The following UNC5A variants were observed in gnomAD, a reference collection of about 807,000 sequenced individuals.
The protein encoded by UNC5A is netrin receptor UNC5A.
UNC5A carries 20 observed loss-of-function variants against 87.4 expected under a neutral mutation model. The ratio of observed to expected loss-of-function variants is 0.23; its 90% confidence interval spans 0.16 to 0.33. UNC5A has a LOEUF of 0.33. UNC5A is among the 10% of genes least tolerant of loss of function. The pLI is 1.00. For missense variants in UNC5A, 844 were observed against 1,133.4 expected (o/e 0.74, Z 3.67); for synonymous variants, 438 against 482.3 (o/e 0.91, Z 1.20).
chr5:176,852,672 C>T (rs1467747033), intron 1 of UNC5A, among the ~76,000 whole-genome samples: 1 of 152,198 alleles, frequency 6.6e-6, no homozygotes, highest in Non-Finnish European at 1.5e-5. Flanking sequence ...AGGAAGGGGC[C>T]CTTGGTTGGG....
chr5:176,862,800 C>G lies in UNC5A; in HGVS notation c.247C>G (p.Arg83Gly). 1 of 1,613,328 alleles carries G rather than the reference C, an allele frequency of 6.2e-7. No individual in the cohort carries two copies. Among genetic ancestry groups the G allele is most frequent in the Non-Finnish European group, 8.5e-7 (1 of 1,179,870 alleles). Reference protein sequence around the residue: ...IFFKCNGEWVRQVDHVIERST... With the variant: ...IFFKCNGEWVGQVDHVIERST... ...CTTCAAGTGCAACGGGGAGTGGGTG[C>G]GCCAGGTGGACCACGTGATCGAGCG... Residue 83 changes from arginine to glycine, a missense_variant, in exon 2 of 15, where the codon CGC becomes GGC. By Grantham distance (125) the Arg-to-Gly change is moderately radical. Around this residue, in one of 3 missense-constraint regions of UNC5A, gnomAD observed 314 missense variants for 466.5 expected, o/e 0.67. Coordinates refer to ENST00000329542, the MANE Select transcript of UNC5A (RefSeq NM_133369.3).
Position 176,878,645 on chromosome 5 carries a change from C to T in UNC5A, c.2184+6C>T, listed in dbSNP as rs372536418. ...TCAACTTCAACATCACCAAGGTGGA[C>T]GGGAGGGGCTGCCGCACCGCCGTGA... is the stretch of plus-strand genomic sequence containing the variant. On this transcript the variant is annotated splice_donor_region_variant and intron_variant, in intron 13 of 14. Transcript: ENST00000329542. 1.2e-5 allele frequency: 19 copies of T among 1,607,824 alleles called. No individual in the cohort carries two copies. The highest frequency in any genetic ancestry group is 5.3e-5 in the African/African-American group (4 of 74,854).
chr5:176,826,121 T>C (rs1756846912), intron 1 of UNC5A, among the ~76,000 whole-genome samples: 2 of 152,164 alleles, frequency 1.3e-5, no homozygotes, highest in South Asian at 2.1e-4. Context: ...CATTTATACA[T>C]GCATAGAAGC....
intron 1 of UNC5A, among the ~76,000 whole-genome samples, chr5:176,851,662 G>A (rs909058776): frequency 3.3e-5 from 5 of 152,184 alleles, no homozygotes; most frequent in South Asian, 2.1e-4. Context: ...CACCCCCCTC[G>A]GGTGGCCCCC....
chr5:176,848,951 AC>A lies in UNC5A; in HGVS notation c.71-13671del, dbSNP rs1291459927. 6.6e-6 allele frequency among the ~76,000 whole-genome samples: 1 copy of A among 151,532 alleles called. No homozygotes were observed. The highest frequency in any genetic ancestry group is 2.4e-5 in the African/African-American group (1 of 41,156). On this transcript the variant is annotated intron_variant, in intron 1 of 14. Coordinates refer to ENST00000329542, the MANE Select transcript of UNC5A (RefSeq NM_133369.3). The surrounding 1 kb of genome is among the most constrained non-coding windows in gnomAD (Gnocchi z 5.8). ...AGGTACCTGGGGCAATGGACAGCCGACCTCTCCGCCTCTGTCCAGGCCCAGG... is the reference window on the plus strand; with the variant it reads ...AGGTACCTGGGGCAATGGACAGCCGACTCTCCGCCTCTGTCCAGGCCCAGG...
Position 176,848,624 on chromosome 5 carries a change from GCAGGGCCCAGGCT to G in UNC5A, c.71-13998_71-13986del, listed in dbSNP as rs1200567802. 1.3e-5 allele frequency among the ~76,000 whole-genome samples: 2 copies of G among 152,164 alleles called. No individual in the cohort carries two copies. The highest frequency in any genetic ancestry group is 2.9e-5 in the Non-Finnish European group (2 of 68,030). On this transcript the variant is annotated intron_variant, in intron 1 of 14. Transcript: ENST00000329542. The surrounding 1 kb of genome is among the most constrained non-coding windows in gnomAD (Gnocchi z 5.8). ...CCCTATTCCCAGATGGAAGGTGGCAGCAGGGCCCAGGCTCCTTCCCGCCCAAATTTGGAATAGG... is the reference window on the plus strand; with the variant it reads ...CCCTATTCCCAGATGGAAGGTGGCAGCCTTCCCGCCCAAATTTGGAATAGG...
At chr5:176,827,001 C>T (rs1756871344) in intron 1 of UNC5A, among the ~76,000 whole-genome samples, 1 of 151,938 alleles carries the variant, frequency 6.6e-6, no homozygotes. Context: ...CTCCCCTTGC[C>T]CCAGCCCCTG....
At position 176,844,578 on chromosome 5, in the gene UNC5A, T is replaced by G. The variant is rs1757356633; in HGVS notation, c.71-18046T>G. ...CCACACCGAAATTCACAGCCCACCG[T>G]GGCTCGGAGGAGCATGGGCTGGTGT... is the stretch of plus-strand genomic sequence containing the variant. On this transcript the variant is annotated intron_variant, in intron 1 of 14. Transcript: ENST00000329542. This position sits in a 1 kb window ranked among gnomAD's most constrained non-coding sequence, Gnocchi z 4.2. 1.3e-5 allele frequency among the ~76,000 whole-genome samples: 2 copies of G among 152,234 alleles called. No homozygotes were observed. The highest frequency in any genetic ancestry group is 4.1e-4 in the South Asian group (2 of 4,836).
chr5:176,833,880 T>C (rs368147342), intron 1 of UNC5A, among the ~76,000 whole-genome samples: 38 of 152,122 alleles, frequency 2.5e-4, no homozygotes, highest in African/African-American at 9.2e-4. Flanking sequence ...AGCTCATTTT[T>C]GTATTAGTAG....
At position 176,841,938 on chromosome 5, in the gene UNC5A, C is replaced by T. The variant is rs1475131194; in HGVS notation, c.71-20686C>T. Among the ~76,000 whole-genome samples, 1 of 152,240 alleles carries T rather than the reference C, an allele frequency of 6.6e-6. No homozygotes were observed. The highest frequency in any genetic ancestry group is 2.4e-5 in the African/African-American group (1 of 41,464). ...CAAGGCCGGGTGCGGTGGCTCACGC[C>T]GGTAATCCCAGCACTTTGGGAGGCC... On this transcript the variant is annotated intron_variant, in intron 1 of 14. Coordinates refer to ENST00000329542, the MANE Select transcript of UNC5A (RefSeq NM_133369.3). The surrounding 1 kb of genome is among the most constrained non-coding windows in gnomAD (Gnocchi z 4.1).
intron 1 of UNC5A, among the ~76,000 whole-genome samples, chr5:176,811,501 TC>T (rs1360834497): frequency 6.6e-6 from 1 of 152,186 alleles, no homozygotes; most frequent in African/African-American, 2.4e-5. Context: ...TCCGCCAGTT[TC>T]CCCTTCTTCC....
chr5:176,820,258 G>A (rs1462241763), intron 1 of UNC5A, among the ~76,000 whole-genome samples: 2 of 152,258 alleles, frequency 1.3e-5, no homozygotes, highest in Admixed American at 6.5e-5. Flanking sequence ...TTAGCCAGGC[G>A]TGGTGGCGGG....
Position 176,851,972 on chromosome 5 carries a change from G to A in UNC5A, c.71-10652G>A, listed in dbSNP as rs905601312. Among the ~76,000 whole-genome samples, 67 of 152,226 alleles carry A rather than the reference G, an allele frequency of 4.4e-4. 2 individuals carry two copies. Among genetic ancestry groups the A allele is most frequent in the Admixed American group, 5.2e-4 (8 of 15,286 alleles). ...ATGGTCGCTGTGTGTCCTTGAGCTAGTCATCCCGTCTCTGAACTCATTTCC... is the reference window on the plus strand; with the variant it reads ...ATGGTCGCTGTGTGTCCTTGAGCTAATCATCCCGTCTCTGAACTCATTTCC... On this transcript the variant is annotated intron_variant, in intron 1 of 14. Coordinates refer to ENST00000329542, the MANE Select transcript of UNC5A (RefSeq NM_133369.3).
chr5:176,815,732 C>G (rs1327619052), intron 1 of UNC5A, among the ~76,000 whole-genome samples: 1 of 152,206 alleles, frequency 6.6e-6, no homozygotes, highest in Non-Finnish European at 1.5e-5. Flanking sequence ...GAGAAAAATG[C>G]ATCTCAGTGT....
intron 1 of UNC5A, among the ~76,000 whole-genome samples, chr5:176,818,578 A>C (rs774768160): frequency 6.6e-6 from 1 of 152,188 alleles, no homozygotes; most frequent in African/African-American, 2.4e-5. Flanking sequence ...ATGAGGACAC[A>C]TATCAGGGGA....
rs1458307613 is a variant in UNC5A, at chr5:176,848,619, TGGC to T, written c.71-14004_71-14002del. On this transcript the variant is annotated intron_variant, in intron 1 of 14. Coordinates refer to ENST00000329542, the MANE Select transcript of UNC5A (RefSeq NM_133369.3). This position sits in a 1 kb window ranked among gnomAD's most constrained non-coding sequence, Gnocchi z 5.8. ...AGACACCCTATTCCCAGATGGAAGG[TGGC>T]AGCAGGGCCCAGGCTCCTTCCCGCC... 1.3e-5 allele frequency among the ~76,000 whole-genome samples: 2 copies of T among 151,986 alleles called. No homozygotes were observed. The highest frequency in any genetic ancestry group is 2.9e-5 in the Non-Finnish European group (2 of 67,966).
Position 176,875,302 on chromosome 5 carries a change from C to G in UNC5A, c.1378+736C>G, listed in dbSNP as rs1758235186. On this transcript the variant is annotated intron_variant, in intron 8 of 14. Coordinates refer to ENST00000329542, the MANE Select transcript of UNC5A (RefSeq NM_133369.3). The surrounding 1 kb of genome is among the most constrained non-coding windows in gnomAD (Gnocchi z 5.2). Reference sequence around the variant, plus strand: ...ACACCCAGCTGCCTCCTGGCCAGCTCCATCTGGATGTCTCACATCACCTCA... The same window carrying G: ...ACACCCAGCTGCCTCCTGGCCAGCTGCATCTGGATGTCTCACATCACCTCA... Among the ~76,000 whole-genome samples, 1 of 152,188 alleles carries G rather than the reference C, an allele frequency of 6.6e-6. No individual in the cohort carries two copies. The highest frequency in any genetic ancestry group is 1.5e-5 in the Non-Finnish European group (1 of 68,032).
At chr5:176,868,395 A>C in intron 3 of UNC5A, 122 bp downstream of exon 3, 1 of 1,496,666 alleles carries the variant, frequency 6.7e-7, no homozygotes, top group Non-Finnish European at 9.2e-7. Context: ...TGCCTGGATG[A>C]GTGGATAAAG....
At position 176,866,184 on chromosome 5, in the gene UNC5A, A is replaced by G. The variant is rs543506844; in HGVS notation, c.293-1946A>G. Among the ~76,000 whole-genome samples the G allele has an allele frequency of 6.6e-6, 1 of 152,152 alleles. No individual in the cohort carries two copies. Among genetic ancestry groups the G allele is most frequent in the Non-Finnish European group, 1.5e-5 (1 of 67,972 alleles). On this transcript the variant is annotated intron_variant, in intron 2 of 14. Coordinates refer to ENST00000329542, the MANE Select transcript of UNC5A (RefSeq NM_133369.3). This position sits in a 1 kb window ranked among gnomAD's most constrained non-coding sequence, Gnocchi z 5.0. ...CAGGTACAGACATAGCTGTACCCAG[A>G]CACTGCTCCCAGGAACCAGGCTGCC... is the stretch of plus-strand genomic sequence containing the variant.
Sources: allele counts gnomAD v4.1 joint callset (sites outside exome capture counted in the v4.1 genomes callset), GRCh38; gene constraint gnomAD v4.1.1; regional missense constraint gnomAD v4.1.1; non-coding constraint Gnocchi (gnomAD v3.1); transcripts MANE v1.5; gene names NCBI Gene and HGNC (gene_info 2026-07-23, HGNC 2026-07-21).